MAP2: variants seen among roughly 807,000 people sequenced by gnomAD.
The protein encoded by MAP2 is microtubule-associated protein 2.
MAP2 carries 14 observed loss-of-function variants against 137.6 expected under a neutral mutation model. That is an observed-to-expected ratio of 0.10 (90% CI 0.07 to 0.16). The LOEUF is 0.16. MAP2 is among the 10% of genes least tolerant of loss of function. The probability of loss-of-function intolerance (pLI) is 1.00; values close to 1 mark genes in which losing one functional copy is unlikely to be tolerated. For synonymous variants in MAP2, 786 were observed against 782.3 expected (o/e 1.00, Z -0.08); for missense variants, 2,088 against 2,191.5 (o/e 0.95, Z 0.94).
At chr2:209,457,724 T>C (rs1014782035) in intron 1 of MAP2, among the ~76,000 whole-genome samples, 1 of 152,100 alleles carries the variant, frequency 6.6e-6, no homozygotes, top group African/African-American at 2.4e-5. Flanking sequence ...TCTCTGAAAA[T>C]GGGAGGATAC....
intron 1 of MAP2, among the ~76,000 whole-genome samples, chr2:209,476,313 C>T (rs1382377107): frequency 4.0e-5 from 6 of 151,734 alleles, no homozygotes; most frequent in African/African-American, 4.8e-5. Flanking sequence ...CTCAGTAAAC[C>T]GACGCTGAAG....
At chr2:209,607,747 C>G (rs1207455348) in intron 3 of MAP2, among the ~76,000 whole-genome samples, 2 of 152,178 alleles carry the variant, frequency 1.3e-5, no homozygotes, top group African/African-American at 4.8e-5. Flanking sequence ...AATATTAATA[C>G]CATGTGGCTG....
At chr2:209,713,074 A>G (rs190075467) in intron 13 of MAP2, among the ~76,000 whole-genome samples, 1 of 152,330 alleles carries the variant, frequency 6.6e-6, no homozygotes, top group East Asian at 1.9e-4. Flanking sequence ...TTATTAAAGA[A>G]GATGGGAGTA....
intron 1 of MAP2, among the ~76,000 whole-genome samples, chr2:209,467,707 C>A (rs1704501080): frequency 6.6e-6 from 1 of 152,094 alleles, no homozygotes; most frequent in African/African-American, 2.4e-5. Flanking sequence ...ACTGAAGAGG[C>A]AAGATAATAA....
intron 1 of MAP2, among the ~76,000 whole-genome samples, chr2:209,501,651 G>A (rs1351936144): frequency 1.3e-5 from 2 of 152,146 alleles, no homozygotes; most frequent in Non-Finnish European, 2.9e-5. Flanking sequence ...TTAGGGTATT[G>A]TTTAGCAAAA....
chr2:209,704,107 TTTTCAATCC>T, intron 11 of MAP2: 1 of 450,646 alleles, frequency 2.2e-6, no homozygotes, highest in South Asian at 1.6e-5. Context: ...AATAGGAAGT[TTTTCAATCC>T]TTCCCCCACT....
intron 13 of MAP2, among the ~76,000 whole-genome samples, chr2:209,720,158 A>C (rs1045502245): frequency 1.3e-5 from 2 of 152,154 alleles, no homozygotes; most frequent in Non-Finnish European, 2.9e-5. Context: ...CTGCCTCACT[A>C]AGAAGTTTTG....
intron 2 of MAP2, among the ~76,000 whole-genome samples, chr2:209,533,443 T>G (rs1008855525): frequency 2.0e-5 from 3 of 152,190 alleles, no homozygotes; most frequent in South Asian, 2.1e-4. Flanking sequence ...TTTTTAAATA[T>G]TGTTTTTTCT....
intron 1 of MAP2, among the ~76,000 whole-genome samples, chr2:209,428,655 C>G (rs944108380): frequency 6.6e-6 from 1 of 151,616 alleles, no homozygotes; most frequent in Non-Finnish European, 1.5e-5. Context: ...TTATGCTAAC[C>G]TCTCCTCCTT....
chr2:209,476,393 CTTAG>C (rs1429462798), intron 1 of MAP2, among the ~76,000 whole-genome samples: 2 of 113,184 alleles, frequency 1.8e-5, no homozygotes, highest in Non-Finnish European at 3.9e-5. Flanking sequence ...ATTTGTTTTT[CTTAG>C]TTTTTTTTTT....
chr2:209,534,259 G>T (rs78995135), intron 2 of MAP2, among the ~76,000 whole-genome samples: 1 of 152,322 alleles, frequency 6.6e-6, no homozygotes, highest in East Asian at 1.9e-4. Context: ...CAACAAGTTG[G>T]TTACTGTTGG....
rs1338844798 is a variant in MAP2 at position 209,557,005 on chromosome 2, A to G, written c.-171-23031A>G. Among the ~76,000 whole-genome samples the G allele has an allele frequency of 6.0e-4, 91 of 152,326 alleles. 1 individual carries two copies. Among genetic ancestry groups the G allele is most frequent in the Non-Finnish European group, 1.6e-4 (11 of 68,024 alleles). On this transcript the variant is annotated intron_variant, in intron 2 of 15. Coordinates refer to ENST00000682079, the MANE Select transcript of MAP2 (RefSeq NM_001375505.1). ...CATTATTTGGGTGAATTAAGTTGACATCTACCAGATAAGGAAATATATTTT... is the reference window on the plus strand; with the variant it reads ...CATTATTTGGGTGAATTAAGTTGACGTCTACCAGATAAGGAAATATATTTT...
At position 209,694,911 on chromosome 2, in the gene MAP2, T is replaced by C. The variant is rs779327003; in HGVS notation, c.2741T>C (p.Leu914Pro). 6.2e-7 allele frequency: 1 copy of C among 1,614,148 alleles called. No homozygotes were observed. The highest frequency in any genetic ancestry group is 1.1e-5 in the South Asian group (1 of 91,074). The change falls in exon 8 of 16, where the codon CTG (leucine) becomes CCG (proline). Residue 914 changes from leucine (L) to proline (P), a missense_variant. By Grantham distance (98) the Leu-to-Pro change is moderately conservative. This residue lies in a region of MAP2 where 500 missense variants were observed against 482.9 expected (regional missense o/e 1.04). Coordinates refer to ENST00000682079, the MANE Select transcript of MAP2 (RefSeq NM_001375505.1). ...AGAGATTTGGCCACAGACCTTTCAC[T>C]GATTGAAGTGAAACTGGCAGCAGCC... ...VRRDLATDLS[L>P]IEVKLAAAGR...
chr2:209,571,771 AG>A (rs1403361441), intron 2 of MAP2, among the ~76,000 whole-genome samples: 7 of 152,034 alleles, frequency 4.6e-5, no homozygotes, highest in African/African-American at 1.7e-4. Flanking sequence ...TCATGAGCTT[AG>A]GTGGTAATGT....
intron 1 of MAP2, among the ~76,000 whole-genome samples, chr2:209,497,422 A>G (rs1022918866): frequency 6.6e-6 from 1 of 152,054 alleles, no homozygotes; most frequent in African/African-American, 2.4e-5. Context: ...CACCCCTCCA[A>G]CCTCCAGAAC....
rs562334362 is a variant in MAP2, at chr2:209,594,065, T to A, written c.-107+13965T>A. Among the ~76,000 whole-genome samples, 3 of 143,170 alleles carry A rather than the reference T, an allele frequency of 2.1e-5. No individual in the cohort carries two copies. In the South Asian group the frequency reaches 6.5e-4, roughly 31 times the overall value. 93.9% of individuals were successfully genotyped at this position (143,170 alleles called of 152,430 possible). A position where few individuals can be genotyped will look rare whatever the true frequency, so the allele number is the denominator to read the frequency against. On this transcript the variant is annotated intron_variant, in intron 3 of 15. Coordinates refer to ENST00000682079, the MANE Select transcript of MAP2 (RefSeq NM_001375505.1). ...TGACAGGCTGATACGAGAGGATCACTGGAGCCCAGGAGTTCAAGGCTGCAG... is the reference window on the plus strand; with the variant it reads ...TGACAGGCTGATACGAGAGGATCACAGGAGCCCAGGAGTTCAAGGCTGCAG...
intron 3 of MAP2, among the ~76,000 whole-genome samples, chr2:209,621,811 G>A (rs1266212593): frequency 6.6e-6 from 1 of 152,202 alleles, no homozygotes; most frequent in Admixed American, 6.5e-5. Flanking sequence ...AATGCTGTAG[G>A]TAGCAAATAA....
intron 2 of MAP2, among the ~76,000 whole-genome samples, chr2:209,562,579 C>G (rs1375896582): frequency 6.6e-6 from 1 of 152,046 alleles, no homozygotes; most frequent in East Asian, 1.9e-4. Flanking sequence ...CACCTGTAGT[C>G]CCAGCTACTC....
chr2:209,711,492 AT>A (rs1328684446), intron 13 of MAP2, among the ~76,000 whole-genome samples: 2 of 152,178 alleles, frequency 1.3e-5, no homozygotes, highest in Admixed American at 1.3e-4. Context: ...TTTTAGAACA[AT>A]GATAACATTC....
Sources: allele counts gnomAD v4.1 joint callset (sites outside exome capture counted in the v4.1 genomes callset), GRCh38; gene constraint gnomAD v4.1.1; regional missense constraint gnomAD v4.1.1; transcripts MANE v1.5; gene names NCBI Gene and HGNC (gene_info 2026-07-23, HGNC 2026-07-21).